Variants in TPRG1 observed in about 807,000 individuals in gnomAD.
The protein encoded by TPRG1 is tumor protein p63-regulated gene 1 protein.
In TPRG1, 29 loss-of-function variants were observed where a neutral mutation model predicts 29.3. The ratio of observed to expected loss-of-function variants is 0.99; its 90% CI spans 0.74 to 1.35. TPRG1 has a LOEUF of 1.35. Ranked by LOEUF, TPRG1 falls within the 40% of genes most tolerant of loss-of-function variation. TPRG1 has a pLI of 0.00. For synonymous variants in TPRG1, 130 were observed against 116.8 expected, an observed-to-expected ratio of 1.11 and a Z score of -0.73; for missense variants, 327 against 335.0, an observed-to-expected ratio of 0.98 and a Z score of 0.19.
At chr3:189,096,930 T>C (rs949367327), upstream of TPRG1, among the ~76,000 whole-genome samples, 1 of 152,208 alleles carries the variant, frequency 6.6e-6, no homozygotes, top group African/African-American at 2.4e-5. Flanking sequence ...ACATCAAAAC[T>C]TAACAACTGG....
intron 4 of TPRG1, among the ~76,000 whole-genome samples, chr3:189,035,223 T>G (rs1012911384): frequency 6.6e-6 from 1 of 152,170 alleles, no homozygotes; most frequent in Non-Finnish European, 1.5e-5. Flanking sequence ...CTGGGATAAC[T>G]GGCTAGTCAT....
intron 1 of TPRG1, among the ~76,000 whole-genome samples, chr3:189,189,089 T>C (rs1731332427): frequency 1.3e-5 from 2 of 152,208 alleles, no homozygotes; most frequent in African/African-American, 2.4e-5. Context: ...GCTGTTTTTT[T>C]CTTATTTGTT....
chr3:189,315,995 G>A (rs1384897331), intron 5 of TPRG1, among the ~76,000 whole-genome samples: 1 of 152,130 alleles, frequency 6.6e-6, no homozygotes, highest in Non-Finnish European at 1.5e-5. Context: ...AAAGAAGGTG[G>A]GAAAAGACAT....
In TPRG1 at chr3:189,141,639, A is replaced by G. The variant is rs546473142; in HGVS notation, c.-290-5945A>G. ...TTTAAAGACTGTACAAACTGCTCTG[A>G]GCACTTTGAGAAGAGAATTTGTTCA... On this transcript the variant is annotated intron_variant, in intron 3 of 6. Transcript: ENST00000412373. Among the ~76,000 whole-genome samples, 24 of 152,346 alleles carry G rather than the reference A, an allele frequency of 1.6e-4. 1 individual carries two copies. The highest frequency in any genetic ancestry group is 5.8e-4 in the African/African-American group (24 of 41,576).
At position 189,305,921 on chromosome 3, in the gene TPRG1, A is replaced by G. The variant is rs993580245; in HGVS notation, c.480-4465A>G. On this transcript the variant is annotated intron_variant, in intron 4 of 5. Transcript: ENST00000345063. The stretch of plus-strand genomic sequence containing the variant: ...AGAGTACATTGTCCTTCTTACTTCC[A>G]CTACTGTGGGAATGGAGGCCAGATC... Among the ~76,000 whole-genome samples the G allele has an allele frequency of 1.5e-4, 23 of 152,184 alleles. 1 individual carries two copies. The highest frequency in any genetic ancestry group is 2.9e-4 in the Non-Finnish European group (20 of 68,032).
At chr3:189,271,346 A>G (rs546185894) in intron 4 of TPRG1, among the ~76,000 whole-genome samples, 1 of 152,000 alleles carries the variant, frequency 6.6e-6, no homozygotes, top group East Asian at 1.9e-4. Flanking sequence ...GCACTAGTTG[A>G]CTCCTGCCTG....
chr3:189,271,228 G>A (rs1000277184), intron 4 of TPRG1, among the ~76,000 whole-genome samples: 2 of 152,160 alleles, frequency 1.3e-5, no homozygotes, highest in African/African-American at 4.8e-5. Context: ...TGCTTTAGAC[G>A]AATACATGGG....
chr3:189,154,162 T>A (rs1726336093), intron 5 of TPRG1, among the ~76,000 whole-genome samples: 1 of 152,214 alleles, frequency 6.6e-6, no homozygotes. Context: ...CATCATGCGA[T>A]ATTCTTCAGC....
intron 1 of TPRG1, among the ~76,000 whole-genome samples, chr3:189,188,083 C>T (rs1731191921): frequency 6.6e-6 from 1 of 152,036 alleles, no homozygotes; most frequent in South Asian, 2.1e-4. Context: ...AATTGAACTT[C>T]TGCAGAAGTC....
chr3:189,089,016 G>C (rs1043475132), intron 4 of TPRG1, among the ~76,000 whole-genome samples: 17 of 142,202 alleles, frequency 1.2e-4, no homozygotes, highest in South Asian at 2.2e-4. Flanking sequence ...ATCTATCTAT[G>C]TATCATCTGT....
intron 5 of TPRG1, among the ~76,000 whole-genome samples, chr3:189,158,916 AGTTTTTTTTTT>A (rs921741702): frequency 2.6e-5 from 4 of 151,514 alleles, no homozygotes; most frequent in African/African-American, 7.3e-5. Flanking sequence ...GAGCTCATCA[AGTTTTTTTTTT>A]GTTTTTTTTT....
At chr3:189,308,443 C>T (rs1424931877) in intron 4 of TPRG1, among the ~76,000 whole-genome samples, 3 of 152,186 alleles carry the variant, frequency 2.0e-5, no homozygotes, top group African/African-American at 7.2e-5. Context: ...TCTTTCATAG[C>T]ACTGTGATAC....
intron 3 of TPRG1, among the ~76,000 whole-genome samples, chr3:189,225,498 T>A (rs1363149296): frequency 1.3e-5 from 2 of 152,206 alleles, no homozygotes; most frequent in Non-Finnish European, 2.9e-5. Flanking sequence ...AATTTAAACA[T>A]AGTCTTCATT....
chr3:189,325,062 G>A lies in TPRG1; in HGVS notation c.*4242G>A, dbSNP rs1724611603. 6.6e-6 allele frequency: 1 copy of A among 152,068 alleles called. No individual in the cohort carries two copies. Among genetic ancestry groups the A allele is most frequent in the Non-Finnish European group, 1.5e-5 (1 of 68,026 alleles). 9.4% of individuals were successfully genotyped at this position (152,068 alleles called of 1,614,324 possible). The stretch of plus-strand genomic sequence containing the variant: ...CCTTGTAGATACCAGTTCCCCAGAA[G>A]CTAAGGAAAAACTCTGAGGCCTTGG... On this transcript the variant is annotated 3_prime_UTR_variant, in exon 6 of 6. Coordinates refer to ENST00000345063, the MANE Select transcript of TPRG1 (RefSeq NM_198485.4).
intron 4 of TPRG1, among the ~76,000 whole-genome samples, chr3:189,064,720 T>G (rs60917885): frequency 0.083 from 12,622 of 152,142 alleles, 735 homozygotes; most frequent in African/African-American, 0.16. Flanking sequence ...AGCCATTACA[T>G]TGCTAATTAG....
chr3:189,074,381 A>G (rs1717002206), intron 4 of TPRG1, among the ~76,000 whole-genome samples: 1 of 150,832 alleles, frequency 6.6e-6, no homozygotes, highest in Non-Finnish European at 1.5e-5. Context: ...AATTTTTTGT[A>G]TTTTTAGTAG....
intron 3 of TPRG1, among the ~76,000 whole-genome samples, chr3:189,233,895 G>C (rs922657178): frequency 6.6e-6 from 1 of 152,120 alleles, no homozygotes; most frequent in Non-Finnish European, 1.5e-5. Flanking sequence ...GAAGGAGACA[G>C]GGTCTCATTT....
At chr3:189,101,466 C>A (rs958774683) in intron 1 of TPRG1, among the ~76,000 whole-genome samples, 1 of 152,150 alleles carries the variant, frequency 6.6e-6, no homozygotes, top group African/African-American at 2.4e-5. Flanking sequence ...ACACTCACCC[C>A]CCACTGTCAA....
Position 189,042,184 on chromosome 3 carries a change from C to T in TPRG1, c.-463+18238C>T, listed in dbSNP as rs150973090. 2.6e-3 allele frequency among the ~76,000 whole-genome samples: 391 copies of T among 152,118 alleles called. 12 individuals carry two copies. The East Asian group carries it at 0.062, about 24-fold the overall frequency. ...TAAAAAAAAATCTGAAATTATAAAA[C>T]AAGTATTAAAAAGTCAAAGAAAGAT... is the stretch of plus-strand genomic sequence containing the variant. On this transcript the variant is annotated intron_variant, in intron 4 of 10. Transcript: ENST00000433971.
Sources: allele counts gnomAD v4.1 joint callset (sites outside exome capture counted in the v4.1 genomes callset), GRCh38; gene constraint gnomAD v4.1.1; transcripts MANE v1.5; gene names NCBI Gene and HGNC (gene_info 2026-07-23, HGNC 2026-07-21).